KLHL5: variants seen among roughly 807,000 people sequenced by gnomAD.
KLHL5 encodes the protein kelch like family member 5, also known as kelch-like protein 5.
Under a neutral mutation model 77.7 loss-of-function variants are expected in KLHL5, and 48 were observed. The ratio of observed to expected loss-of-function variants is 0.62; its 90% CI spans 0.49 to 0.79. The LOEUF (loss-of-function observed/expected upper bound fraction) is 0.79. Ranked by LOEUF, KLHL5 falls within the 30% of genes least tolerant of loss-of-function variation. KLHL5 has a pLI of 0.00. For missense variants in KLHL5, 723 were observed against 859.7 expected, an observed-to-expected ratio of 0.84 and a Z score of 1.99; for synonymous variants, 260 against 297.0, an observed-to-expected ratio of 0.88 and a Z score of 1.28.
intron 9 of KLHL5, among the ~76,000 whole-genome samples, chr4:39,114,062 TA>T (rs1279797734): frequency 2.0e-5 from 3 of 152,142 alleles, no homozygotes; most frequent in Admixed American, 6.6e-5. Context: ...CAAGTGACCA[TA>T]AGAAGGATAA....
intron 1 of KLHL5, among the ~76,000 whole-genome samples, chr4:39,067,274 A>G (rs1439994991): frequency 1.3e-5 from 2 of 152,182 alleles, no homozygotes; most frequent in Admixed American, 6.5e-5. Context: ...GTTTTGTAGA[A>G]TGCCTTACTC....
At chr4:39,085,021 AATT>A (rs1329984266) in intron 4 of KLHL5, among the ~76,000 whole-genome samples, 1 of 152,180 alleles carries the variant, frequency 6.6e-6, no homozygotes, top group Non-Finnish European at 1.5e-5. Flanking sequence ...TTTGCTTACA[AATT>A]ATTATTAAGG....
rs370445611 is a variant in KLHL5 at position 39,107,496 on chromosome 4, T to C, written c.1526-73T>C. 6 of 1,223,878 alleles carry C rather than the reference T, an allele frequency of 4.9e-6. No homozygotes were observed. The African/African-American group carries it at 6.0e-5, about 12-fold the overall frequency. 75.8% of individuals were successfully genotyped at this position (1,223,878 alleles called of 1,614,324 possible). On this transcript the variant is annotated intron_variant, in intron 7 of 10. Transcript: ENST00000504108. ...GTATGTTTAAGGCTTATTGTACTTA[T>C]ACTTCAATTAAAATGTGATTTTTAA...
chr4:39,058,530 C>A (rs184278643), upstream of KLHL5, among the ~76,000 whole-genome samples: 951 of 152,046 alleles, frequency 6.3e-3, 6 homozygotes, highest in Non-Finnish European at 0.011. Context: ...GATGGAAGGA[C>A]CCCCTGAGCT....
chr4:39,115,568 A>C (rs1322241252), intron 10 of KLHL5: 2 of 1,449,416 alleles, frequency 1.4e-6, no homozygotes, highest in South Asian at 1.5e-5. Flanking sequence ...ATCTGCTACC[A>C]CTTGCATGAT....
At chr4:39,116,974 T>A (rs1349617023) in intron 10 of KLHL5, among the ~76,000 whole-genome samples, 1 of 152,090 alleles carries the variant, frequency 6.6e-6, no homozygotes, top group Non-Finnish European at 1.5e-5. Context: ...GTAGCTGGGA[T>A]TACAGGTGCC....
At chr4:39,080,523 CAAAAA>C (rs111681718) in intron 2 of KLHL5, among the ~76,000 whole-genome samples, 1 of 129,650 alleles carries the variant, frequency 7.7e-6, no homozygotes, top group Non-Finnish European at 1.7e-5. Context: ...GAGACTGTCT[CAAAAA>C]AAAAAAAATT....
intron 6 of KLHL5, among the ~76,000 whole-genome samples, chr4:39,099,719 G>A (rs181588227): frequency 3.9e-5 from 6 of 152,218 alleles, no homozygotes; most frequent in African/African-American, 1.2e-4. Context: ...AGCAACCCCC[G>A]ACTACCACTT....
At chr4:39,065,596 C>T (rs142054546) in intron 1 of KLHL5, among the ~76,000 whole-genome samples, 11 of 152,112 alleles carry the variant, frequency 7.2e-5, no homozygotes, top group South Asian at 4.2e-4. Context: ...TCAAGTGATC[C>T]GCCCACGTCC....
chr4:39,103,620 T>A, intron 7 of KLHL5, 109 bp downstream of exon 7: 1 of 799,806 alleles, frequency 1.3e-6, no homozygotes, highest in Non-Finnish European at 2.1e-6. Flanking sequence ...TCAGCAGCAG[T>A]CACCAAGCAT....
chr4:39,046,515 G>A (rs1716201530), intron 1 of KLHL5, among the ~76,000 whole-genome samples: 1 of 152,076 alleles, frequency 6.6e-6, no homozygotes. Flanking sequence ...TTGGGAGGCC[G>A]TGGCGAGCGG....
At chr4:39,080,226 A>T (rs560803408) in intron 2 of KLHL5, among the ~76,000 whole-genome samples, 1 of 152,288 alleles carries the variant, frequency 6.6e-6, no homozygotes, top group East Asian at 1.9e-4. Flanking sequence ...CAGTGAAAAA[A>T]TGCCTGTTTC....
At chr4:39,096,097 GAC>G (rs1721040463) in intron 5 of KLHL5, among the ~76,000 whole-genome samples, 1 of 151,836 alleles carries the variant, frequency 6.6e-6, no homozygotes, top group African/African-American at 2.4e-5. Flanking sequence ...TTTTTTAAAA[GAC>G]AAGGTGTAAT....
chr4:39,053,417 A>AT, intron 1 of KLHL5, among the ~76,000 whole-genome samples: 1 of 152,320 alleles, frequency 6.6e-6, no homozygotes, highest in Non-Finnish European at 1.5e-5. Flanking sequence ...GAAAGACAGA[A>AT]ACACTTCTGG....
chr4:39,118,510 CT>C (rs1264916628), intron 10 of KLHL5, among the ~76,000 whole-genome samples: 1 of 152,186 alleles, frequency 6.6e-6, no homozygotes, highest in Admixed American at 6.5e-5. Context: ...AATCCCAGGA[CT>C]TTGGGAGGCC....
chr4:39,060,182 G>T (rs1250519201), upstream of KLHL5, among the ~76,000 whole-genome samples: 3 of 152,160 alleles, frequency 2.0e-5, no homozygotes, highest in East Asian at 5.8e-4. Context: ...GCTAAAAGAT[G>T]AATACAATAT....
chr4:39,100,580 T>C (rs1483312452), intron 6 of KLHL5, among the ~76,000 whole-genome samples: 6 of 152,186 alleles, frequency 3.9e-5, no homozygotes, highest in Non-Finnish European at 7.3e-5. Context: ...TAAGCAACTT[T>C]CCAAAGATTA....
chr4:39,071,447 C>T (rs571351887), intron 1 of KLHL5, among the ~76,000 whole-genome samples: 51 of 152,038 alleles, frequency 3.4e-4, no homozygotes, highest in African/African-American at 9.9e-4. Flanking sequence ...TAAATTCTGG[C>T]GATAAAAGTA....
intron 5 of KLHL5, among the ~76,000 whole-genome samples, chr4:39,087,403 T>C (rs538448272): frequency 9.2e-5 from 14 of 152,330 alleles, no homozygotes; most frequent in African/African-American, 3.4e-4. Context: ...TCTGGTGATA[T>C]ATAGATTAAC....
Sources: gnomAD v4.1 joint callset for allele counts (sites outside exome capture counted in the v4.1 genomes callset) on GRCh38, gnomAD v4.1.1 for gene constraint, MANE v1.5 for transcripts, NCBI Gene and HGNC (gene_info 2026-07-23, HGNC 2026-07-21) for gene names.